Variants in CCNB3 observed in about 807,000 individuals in gnomAD.
CCNB3 encodes the protein cyclin B3.
A neutral mutation model predicts 68.0 loss-of-function variants in CCNB3; 12 were observed. The observed-to-expected ratio is 0.18, with a 90% CI of 0.11 to 0.29. CCNB3 has a LOEUF of 0.29. CCNB3 is among the 10% of genes least tolerant of loss of function. The probability of loss-of-function intolerance (pLI) is 1.00; values close to 1 mark genes in which losing one functional copy is unlikely to be tolerated. For synonymous variants in CCNB3, 354 were observed against 388.9 expected (o/e 0.91, Z 1.06); for missense variants, 904 against 993.1 (o/e 0.91, Z 1.21).
chrX:50,341,910 A>G (rs1923164624), intron 8 of CCNB3: 1 of 238,257 alleles, frequency 4.2e-6, no homozygotes. Context: ...TTAGAGATCA[A>G]AGGGAGAGGA....
chrX:50,304,497 T>C (rs935037155), intron 5 of CCNB3, among the ~76,000 whole-genome samples: 4 of 111,570 alleles, frequency 3.6e-5, no homozygotes, highest in Non-Finnish European at 7.5e-5. Context: ...TATACAAAAA[T>C]TAATTCAAGA....
intron 8 of CCNB3, among the ~76,000 whole-genome samples, chrX:50,332,333 A>G (rs782619032): frequency 1.8e-5 from 2 of 111,597 alleles, no homozygotes; most frequent in South Asian, 7.6e-4. Context: ...GAGTGTCATT[A>G]TATAAACATG....
chrX:50,331,270 A>G (rs1557218032), intron 8 of CCNB3, among the ~76,000 whole-genome samples: 1 of 111,094 alleles, frequency 9.0e-6, no homozygotes, highest in Non-Finnish European at 1.9e-5. Flanking sequence ...CTATGCCCAC[A>G]TATCCAGTAA....
intron 2 of CCNB3, among the ~76,000 whole-genome samples, 153 bp from the exon 3 acceptor site, chrX:50,284,974 G>A (rs1936208457): frequency 8.9e-6 from 1 of 111,832 alleles, no homozygotes; most frequent in Admixed American, 9.6e-5. Flanking sequence ...GAGGTTAATT[G>A]TGATAAAACC....
chrX:50,205,760 C>G (rs1469353686), intron 1 of CCNB3, among the ~76,000 whole-genome samples: 4 of 109,447 alleles, frequency 3.7e-5, no homozygotes, highest in African/African-American at 1.3e-4. Context: ...TCGAGACCAT[C>G]CTGGCCAACA....
chrX:50,295,162 C>G (rs1409170331), intron 5 of CCNB3, among the ~76,000 whole-genome samples, 169 bp downstream of exon 5: 4 of 111,886 alleles, frequency 3.6e-5, no homozygotes, highest in African/African-American at 1.3e-4. Flanking sequence ...AAAGCCTCTT[C>G]TGTCTCTCCT....
rs782615941 is a variant in CCNB3 at position 50,299,945 on chromosome X, A to C, written c.335+4952A>C. 2.6e-3 allele frequency among the ~76,000 whole-genome samples: 295 copies of C among 111,394 alleles called. 2 individuals are homozygous for C. The highest frequency in any genetic ancestry group is 9.2e-3 in the African/African-American group (282 of 30,597). ...TTTAAAGTCTGTTTTATGAGAGACT[A>C]GGATTGCAACCCCTGCCTTTTTTTG... is the stretch of plus-strand genomic sequence containing the variant. On this transcript the variant is annotated intron_variant, in intron 5 of 12. Coordinates refer to ENST00000376042, the MANE Select transcript of CCNB3 (RefSeq NM_033031.3).
chrX:50,332,481 A>C (rs782322648), intron 8 of CCNB3, among the ~76,000 whole-genome samples: 1 of 111,903 alleles, frequency 8.9e-6, no homozygotes, highest in African/African-American at 3.2e-5. Context: ...GGTTTTTACT[A>C]TACAAGTCCA....
At chrX:50,281,210 CT>C (rs1240398798) in intron 1 of CCNB3, among the ~76,000 whole-genome samples, 81 of 111,724 alleles carry the variant, frequency 7.3e-4, no homozygotes, top group Non-Finnish European at 1.4e-3. Context: ...TCCTGTTAGG[CT>C]TTCGCGTGTC....
intron 8 of CCNB3, among the ~76,000 whole-genome samples, chrX:50,321,473 A>T (rs1202639549): frequency 5.4e-5 from 6 of 111,616 alleles, no homozygotes; most frequent in African/African-American, 1.9e-4. Flanking sequence ...GGGTGTCAGA[A>T]TCTAAACAAC....
intron 8 of CCNB3, among the ~76,000 whole-genome samples, chrX:50,326,041 T>C (rs1209876091): frequency 2.7e-5 from 3 of 111,883 alleles, no homozygotes; most frequent in Non-Finnish European, 5.6e-5. Context: ...CACATTGCTT[T>C]GCACCTTGAT....
chrX:50,217,460 G>A (rs1405850958), intron 1 of CCNB3, among the ~76,000 whole-genome samples: 1 of 108,987 alleles, frequency 9.2e-6, no homozygotes, highest in African/African-American at 3.3e-5. Context: ...TTTTAGTAGA[G>A]ACGGGGTTTC....
chrX:50,279,209 AGT>A lies in CCNB3; in HGVS notation c.-112-5332_-112-5331del, dbSNP rs1283182994. On this transcript the variant is annotated intron_variant, in intron 1 of 12. Transcript: ENST00000376042. ...ATATTCTCTATATATAAATATATAGAGTATATATATTCATATATAAATATATA... is the reference window on the plus strand; with the variant it reads ...ATATTCTCTATATATAAATATATAGAATATATATTCATATATAAATATATA... Among the ~76,000 whole-genome samples, 8 of 1,935 alleles carry A rather than the reference AGT, an allele frequency of 4.1e-3. No homozygotes were observed. The Non-Finnish European group carries it at 0.043, about 10-fold the overall frequency. The allele number at this position is 1,935 out of a possible 115,157, so 1.7% of individuals were successfully genotyped here. A position where few individuals can be genotyped will look rare whatever the true frequency, so the allele number is the denominator to read the frequency against.
intron 1 of CCNB3, among the ~76,000 whole-genome samples, chrX:50,210,286 T>C (rs1935462382): frequency 8.9e-6 from 1 of 111,753 alleles, no homozygotes; most frequent in Non-Finnish European, 1.9e-5. Context: ...TCTTCTCTTT[T>C]CTCAGTATCT....
intron 8 of CCNB3, among the ~76,000 whole-genome samples, chrX:50,336,680 T>C (rs1557218899): frequency 8.9e-6 from 1 of 111,787 alleles, no homozygotes. Flanking sequence ...TACATTTGTA[T>C]CCTTTTGAGC....
intron 8 of CCNB3, among the ~76,000 whole-genome samples, chrX:50,319,386 T>A (rs1216383146): frequency 1.8e-5 from 2 of 111,984 alleles, no homozygotes; most frequent in African/African-American, 6.5e-5. Flanking sequence ...TTGAAGCTAT[T>A]GTAAATTATG....
At chrX:50,306,049 G>T (rs1190867781) in intron 5 of CCNB3, among the ~76,000 whole-genome samples, 1 of 107,074 alleles carries the variant, frequency 9.3e-6, no homozygotes, top group Non-Finnish European at 1.9e-5. Context: ...GACTCCCAAA[G>T]TACTGGGATT....
chrX:50,226,088 T>C (rs1359354922), intron 1 of CCNB3, among the ~76,000 whole-genome samples: 7 of 82,845 alleles, frequency 8.4e-5, no homozygotes, highest in South Asian at 1.1e-3. Context: ...AGAATATATA[T>C]GAATATATAT....
At chrX:50,211,580 T>G (rs1193269872) in intron 1 of CCNB3, among the ~76,000 whole-genome samples, 1 of 111,101 alleles carries the variant, frequency 9.0e-6, no homozygotes, top group Non-Finnish European at 1.9e-5. Flanking sequence ...CTCAGGAGCC[T>G]GAGGTGGGAG....
Sources: gnomAD v4.1 joint callset for allele counts (sites outside exome capture counted in the v4.1 genomes callset) on GRCh38, gnomAD v4.1.1 for gene constraint, MANE v1.5 for transcripts, NCBI Gene and HGNC (gene_info 2026-07-23, HGNC 2026-07-21) for gene names.